Variants in TLK1 observed in about 807,000 individuals in gnomAD.
TLK1 encodes the protein serine/threonine-protein kinase tousled-like 1.
In TLK1, 24 loss-of-function variants were observed where a neutral mutation model predicts 105.3. That is an observed-to-expected ratio of 0.23 (90% CI 0.17 to 0.32). The LOEUF is 0.32. TLK1 is among the 10% of genes least tolerant of loss of function. The pLI is 1.00. For missense variants in TLK1, 558 were observed against 910.5 expected, an observed-to-expected ratio of 0.61 and a Z score of 4.98; for synonymous variants, 321 against 310.4, an observed-to-expected ratio of 1.03 and a Z score of -0.36.
At chr2:171,007,591 G>T (rs1409501544) in intron 14 of TLK1, among the ~76,000 whole-genome samples, 2 of 151,860 alleles carry the variant, frequency 1.3e-5, no homozygotes, top group African/African-American at 4.8e-5. Flanking sequence ...ACTATAATGT[G>T]CCCTTATGCC....
chr2:171,106,601 C>G (rs1373562569), intron 2 of TLK1, among the ~76,000 whole-genome samples: 1 of 152,174 alleles, frequency 6.6e-6, no homozygotes, highest in East Asian at 1.9e-4. Flanking sequence ...AATCAATACT[C>G]CTAGATAATG....
intron 1 of TLK1, among the ~76,000 whole-genome samples, chr2:171,172,809 C>T (rs879852990): frequency 1.3e-5 from 2 of 152,192 alleles, no homozygotes; most frequent in Non-Finnish European, 2.9e-5. Flanking sequence ...GCCTGCAGAA[C>T]TGTGGGCCAA....
At chr2:171,179,816 G>A (rs1387485309) in intron 1 of TLK1, among the ~76,000 whole-genome samples, 3 of 151,978 alleles carry the variant, frequency 2.0e-5, no homozygotes, top group South Asian at 2.1e-4. Context: ...AAATTAGGCC[G>A]GGCATGGTGG....
intron 12 of TLK1, among the ~76,000 whole-genome samples, chr2:171,023,512 C>T (rs1685630765): frequency 6.6e-6 from 1 of 152,004 alleles, no homozygotes; most frequent in African/African-American, 2.4e-5. Flanking sequence ...ACTTTCTAAA[C>T]ACATTCTCTC....
At chr2:171,186,503 T>C (rs897010604) in intron 1 of TLK1, among the ~76,000 whole-genome samples, 5 of 152,146 alleles carry the variant, frequency 3.3e-5, no homozygotes. Context: ...TGTGGGACAG[T>C]CCTATCTGAC....
At chr2:171,147,224 C>G (rs1252228496) in intron 1 of TLK1, among the ~76,000 whole-genome samples, 1 of 152,202 alleles carries the variant, frequency 6.6e-6, no homozygotes, top group East Asian at 1.9e-4. Context: ...TCCAAAAATA[C>G]TTGCTGAATG....
intron 18 of TLK1, among the ~76,000 whole-genome samples, chr2:170,999,169 T>C (rs1386157554): frequency 1.3e-5 from 2 of 152,188 alleles, no homozygotes; most frequent in Non-Finnish European, 2.9e-5. Flanking sequence ...CCTCAAAAAT[T>C]TAGATAAACT....
chr2:171,090,888 A>G (rs1235481037), intron 2 of TLK1, among the ~76,000 whole-genome samples: 1 of 152,202 alleles, frequency 6.6e-6, no homozygotes, highest in Non-Finnish European at 1.5e-5. Flanking sequence ...TTAAAATTAA[A>G]TTGAAAATTA....
intron 1 of TLK1, among the ~76,000 whole-genome samples, chr2:171,168,271 A>G (rs1475515913): frequency 6.6e-6 from 1 of 152,218 alleles, no homozygotes; most frequent in East Asian, 1.9e-4. Context: ...TTAATTCGAT[A>G]CATGGCAAAG....
intron 2 of TLK1, among the ~76,000 whole-genome samples, chr2:171,092,842 T>C (rs1309108480): frequency 6.6e-6 from 1 of 151,782 alleles, no homozygotes. Flanking sequence ...AGCAACTAGA[T>C]GGGTACATTT....
chr2:170,997,366 CTG>C (rs896540271), intron 19 of TLK1, among the ~76,000 whole-genome samples: 9 of 152,192 alleles, frequency 5.9e-5, no homozygotes, highest in African/African-American at 1.9e-4. Context: ...CCAGGCCAAA[CTG>C]TGTGTGTGGG....
intron 1 of TLK1, among the ~76,000 whole-genome samples, chr2:171,130,365 G>A (rs1191994629): frequency 6.6e-6 from 1 of 151,160 alleles, no homozygotes; most frequent in Non-Finnish European, 1.5e-5. Flanking sequence ...TCGCACCACT[G>A]CACTCTAGCC....
chr2:171,165,888 G>A (rs969433678), upstream of TLK1, among the ~76,000 whole-genome samples: 1 of 152,152 alleles, frequency 6.6e-6, no homozygotes, highest in African/African-American at 2.4e-5. Flanking sequence ...TCCAGCCTGG[G>A]CAACAGAGGG....
intron 1 of TLK1, among the ~76,000 whole-genome samples, chr2:171,226,516 G>C (rs1693899048): frequency 6.6e-6 from 1 of 152,136 alleles, no homozygotes; most frequent in African/African-American, 2.4e-5. Flanking sequence ...GAGAATATGA[G>C]GACTCCATGT....
At chr2:171,118,376 TTTTG>T (rs1445350032) in intron 1 of TLK1, among the ~76,000 whole-genome samples, 2 of 152,234 alleles carry the variant, frequency 1.3e-5, no homozygotes, top group Non-Finnish European at 2.9e-5. Flanking sequence ...CACTTAATTA[TTTTG>T]TTTATGTATA....
chr2:171,070,781 T>C (rs907001850), intron 3 of TLK1, among the ~76,000 whole-genome samples: 2 of 152,238 alleles, frequency 1.3e-5, no homozygotes, highest in Non-Finnish European at 2.9e-5. Flanking sequence ...ATTTTGGGTA[T>C]ATATCTAGCA....
intron 12 of TLK1, among the ~76,000 whole-genome samples, chr2:171,019,005 T>A (rs1265081621): frequency 6.6e-6 from 1 of 152,052 alleles, no homozygotes; most frequent in Non-Finnish European, 1.5e-5. Flanking sequence ...TATTTTAAAA[T>A]AAAATCTAAT....
intron 11 of TLK1, among the ~76,000 whole-genome samples, chr2:171,044,561 A>T (rs1334677624): frequency 1.3e-5 from 2 of 152,238 alleles, no homozygotes; most frequent in African/African-American, 2.4e-5. Context: ...TCCGATACTC[A>T]AGAGAAAAGT....
chr2:171,162,763 C>A (rs1380568645), upstream of TLK1, among the ~76,000 whole-genome samples: 1 of 152,188 alleles, frequency 6.6e-6, no homozygotes, highest in South Asian at 2.1e-4. Flanking sequence ...GCAGGCCATA[C>A]AGTCAATTTG....
Sources: allele counts gnomAD v4.1 joint callset (sites outside exome capture counted in the v4.1 genomes callset), GRCh38; gene constraint gnomAD v4.1.1; transcripts MANE v1.5; gene names NCBI Gene and HGNC (gene_info 2026-07-23, HGNC 2026-07-21).